Variants in NNT observed in about 807,000 individuals in gnomAD.
NNT encodes the protein nicotinamide nucleotide transhydrogenase.
NNT carries 50 observed loss-of-function variants against 104.8 expected under a neutral mutation model. That is an observed-to-expected ratio of 0.48 (90% CI 0.38 to 0.60). The LOEUF (loss-of-function observed/expected upper bound fraction) is 0.60, where lower values mean the gene tolerates loss of function less well. NNT is among the 20% of genes least tolerant of loss of function. NNT has a pLI of 0.00. For synonymous variants in NNT, 461 were observed against 490.4 expected (o/e 0.94, Z 0.79); for missense variants, 1,131 against 1,330.7 (o/e 0.85, Z 2.33).
At chr5:43,621,846 AAGGATTCCAAGCATTT>A (rs1259364688) in intron 5 of NNT, among the ~76,000 whole-genome samples, 8 of 152,222 alleles carry the variant, frequency 5.3e-5, no homozygotes, top group Non-Finnish European at 8.8e-5. Flanking sequence ...ACAGGAGTTT[AAGGATTCCAAGCATTT>A]AGGATTCCAG....
At chr5:43,631,259 A>G (rs1217851693) in intron 7 of NNT, among the ~76,000 whole-genome samples, 2 of 152,162 alleles carry the variant, frequency 1.3e-5, no homozygotes, top group Non-Finnish European at 2.9e-5. Flanking sequence ...AGGTGCATGC[A>G]GATCAGACAA....
At chr5:43,658,802 A>G (rs776863206) in intron 16 of NNT, among the ~76,000 whole-genome samples, 78 of 152,206 alleles carry the variant, frequency 5.1e-4, no homozygotes, top group Non-Finnish European at 5.4e-4. Flanking sequence ...CTTATATTTT[A>G]TAATTTCCTT....
chr5:43,654,133 T>C (rs1739916757), intron 14 of NNT, among the ~76,000 whole-genome samples: 1 of 152,226 alleles, frequency 6.6e-6, no homozygotes, highest in Admixed American at 6.5e-5. Flanking sequence ...TGAGGTTACT[T>C]ATGTCTATTG....
Position 43,673,951 on chromosome 5 carries a change from C to T in NNT, c.2635-1560C>T, listed in dbSNP as rs1393538800. Among the ~76,000 whole-genome samples, 5 of 149,568 alleles carry T rather than the reference C, an allele frequency of 3.3e-5. No individual in the cohort carries two copies. The East Asian group carries it at 8.0e-4, about 24-fold the overall frequency. ...AGGAAAATCTCTTGAACCCAGGAGG[C>T]GGAGGTTGCAGTGAGCTGAGATCAT... On this transcript the variant is annotated intron_variant, in intron 17 of 21. Transcript: ENST00000344920.
chr5:43,606,197 C>A (rs1749218332), intron 1 of NNT, among the ~76,000 whole-genome samples: 1 of 151,998 alleles, frequency 6.6e-6, no homozygotes, highest in Admixed American at 6.6e-5. Context: ...TCTTTGTCAG[C>A]CCCATAAAAA....
At chr5:43,628,524 A>T (rs1750489022) in intron 7 of NNT, 137 bp downstream of exon 7, 1 of 609,128 alleles carries the variant, frequency 1.6e-6, no homozygotes, top group Admixed American at 3.5e-5. Flanking sequence ...AAGTACTAGA[A>T]AACGAGAAAA....
chr5:43,665,510 T>TA (rs1740597293), intron 17 of NNT, among the ~76,000 whole-genome samples: 1 of 152,172 alleles, frequency 6.6e-6, no homozygotes, highest in Admixed American at 6.5e-5. Context: ...ATTTAACCCT[T>TA]AGTGGACACA....
chr5:43,687,873 C>A (rs1050717981), intron 19 of NNT, among the ~76,000 whole-genome samples: 2 of 151,946 alleles, frequency 1.3e-5, no homozygotes, highest in Non-Finnish European at 2.9e-5. Context: ...TCCAAGATAC[C>A]TCAGTTAAAG....
intron 19 of NNT, among the ~76,000 whole-genome samples, chr5:43,678,639 A>T (rs992808191): frequency 2.0e-5 from 3 of 152,192 alleles, no homozygotes; most frequent in African/African-American, 7.2e-5. Context: ...GTCTTAAAAG[A>T]GAGGCCTTGA....
At chr5:43,702,463 C>T (rs953860707) in intron 20 of NNT, among the ~76,000 whole-genome samples, 158 bp from the exon 21 acceptor site, 3 of 152,184 alleles carry the variant, frequency 2.0e-5, no homozygotes, top group African/African-American at 7.2e-5. Context: ...AGTTGCTTAA[C>T]CTCTCTGATA....
rs546247932 is a variant in NNT at position 43,705,688 on chromosome 5, C to T, written c.*1284C>T. 5.3e-5 allele frequency: 8 copies of T among 151,964 alleles called. No homozygotes were observed. The highest frequency in any genetic ancestry group is 4.2e-4 in the South Asian group (2 of 4,816). 9.4% of individuals were successfully genotyped at this position (151,964 alleles called of 1,614,324 possible). ...ACAAATTTTGTTACTGTAATGCTCG[C>T]GTTTAGTGAGTTTAAAACACACAGT... On this transcript the variant is annotated 3_prime_UTR_variant, in exon 22 of 22. Coordinates refer to ENST00000344920, the MANE Select transcript of NNT (RefSeq NM_182977.3).
chr5:43,700,288 GC>G, intron 20 of NNT, 51 bp downstream of exon 20: 1 of 1,324,870 alleles, frequency 7.5e-7, no homozygotes, highest in Non-Finnish European at 1.1e-6. Context: ...TATGAATAAA[GC>G]AGTGCAGGTG....
At chr5:43,645,598 T>C in intron 10 of NNT, 88 bp downstream of exon 10, 1 of 610,698 alleles carries the variant, frequency 1.6e-6, no homozygotes. Flanking sequence ...TGTGTAGCTA[T>C]ATATACGTAT....
At chr5:43,657,230 A>G (rs1740102936) in intron 16 of NNT, among the ~76,000 whole-genome samples, 1 of 152,242 alleles carries the variant, frequency 6.6e-6, no homozygotes, top group Non-Finnish European at 1.5e-5. Flanking sequence ...ATTGGAAGAT[A>G]TGACACGAAA....
intron 2 of NNT, among the ~76,000 whole-genome samples, 190 bp downstream of exon 2, chr5:43,609,536 T>C (rs1749398429): frequency 6.6e-6 from 1 of 152,172 alleles, no homozygotes; most frequent in Non-Finnish European, 1.5e-5. Flanking sequence ...TTTCCAGCGC[T>C]AACAGAGAAG....
In NNT at chr5:43,667,018, A is replaced by G; in HGVS notation, c.2634+7668A>G. ...CTCCTTGGGCTTTACGAGGGCCTTG[A>G]TAGCCTGGGCACGTGCACTCATGGC... On this transcript the variant is annotated intron_variant, in intron 17 of 21. Coordinates refer to ENST00000344920, the MANE Select transcript of NNT (RefSeq NM_182977.3). The G allele has an allele frequency of 3.1e-6, 5 of 1,596,660 alleles. No homozygotes were observed. The South Asian group carries it at 4.4e-5, about 14-fold the overall frequency.
Position 43,653,150 on chromosome 5 carries a change from CT to C in NNT, c.1997del (p.Leu666GlnfsTer8). ...AGGLAATLGV[L>X]KPGPELLAQM... ...AGGACTGGCAGCCACCCTCGGAGTCCTAAAACCGGGCCCAGAATTACTAGCT... is the reference window on the plus strand; with the variant it reads ...AGGACTGGCAGCCACCCTCGGAGTCCAAAACCGGGCCCAGAATTACTAGCT... On this transcript the variant is annotated frameshift_variant, in exon 14 of 22. Transcript: ENST00000344920. LOFTEE classifies it high-confidence loss of function. 1 of 1,614,114 alleles carries C rather than the reference CT, an allele frequency of 6.2e-7. No homozygotes were observed. The highest frequency in any genetic ancestry group is 8.5e-7 in the Non-Finnish European group (1 of 1,180,028).
chr5:43,644,913 G>T (rs1013762004), intron 9 of NNT, 111 bp downstream of exon 9: 2 of 796,298 alleles, frequency 2.5e-6, no homozygotes, highest in Admixed American at 6.0e-5. Flanking sequence ...ATAAGGTATT[G>T]GTATGCCAGC....
At chr5:43,686,238 A>ATT (rs71610328) in intron 19 of NNT, among the ~76,000 whole-genome samples, 15 of 142,254 alleles carry the variant, frequency 1.1e-4, no homozygotes, top group East Asian at 8.0e-4. Context: ...ATACTGTTGA[A>ATT]TTTTTTTTTT....
Sources: allele counts gnomAD v4.1 joint callset (sites outside exome capture counted in the v4.1 genomes callset), GRCh38; gene constraint gnomAD v4.1.1; transcripts MANE v1.5; gene names NCBI Gene and HGNC (gene_info 2026-07-23, HGNC 2026-07-21).